DUSP22: variants seen among roughly 807,000 people sequenced by gnomAD.
The protein encoded by DUSP22 is dual specificity phosphatase 22.
DUSP22 carries 24 observed loss-of-function variants against 24.5 expected under a neutral mutation model. That is an observed-to-expected ratio of 0.98 (90% confidence interval 0.71 to 1.38). The LOEUF (loss-of-function observed/expected upper bound fraction) is 1.38. Ranked by LOEUF, DUSP22 falls within the 40% of genes most tolerant of loss-of-function variation. DUSP22 has a pLI of 0.00. For missense variants in DUSP22, 330 were observed against 269.2 expected, an observed-to-expected ratio of 1.23 and a Z score of -1.58; for synonymous variants, 160 against 106.4, an observed-to-expected ratio of 1.50 and a Z score of -3.10.
rs766831052 is a variant in DUSP22, at chr6:348,110, G to A, written c.271G>A (p.Gly91Arg). Residue 91 changes from glycine to arginine, a missense_variant, in exon 6 of 7, where the codon GGG (glycine) becomes AGG (arginine). Gly to Arg is a moderately radical substitution (Grantham distance 125, BLOSUM62 -2). Coordinates refer to ENST00000419235, the MANE Select transcript of DUSP22 (RefSeq NM_001286555.3). ...GESCLVHCLA[G>R]VSRSVTLVIA... ...CTTCTCTTGGCCCCGCAGCCTGGCCGGGGTCTCCAGGAGCGTGACACTGGT... is the reference window on the plus strand; with the variant it reads ...CTTCTCTTGGCCCCGCAGCCTGGCCAGGGTCTCCAGGAGCGTGACACTGGT... The A allele has an allele frequency of 3.5e-5, 57 of 1,614,176 alleles. No homozygotes were observed. The highest frequency in any genetic ancestry group is 8.3e-5 in the Admixed American group (5 of 60,036).
Position 350,377 on chromosome 6 carries a change from G to A in DUSP22, c.*1426G>A, listed in dbSNP as rs1004674492. The A allele has an allele frequency of 1.3e-5, 14 of 1,078,202 alleles. No individual in the cohort carries two copies. The highest frequency in any genetic ancestry group is 1.6e-5 in the Non-Finnish European group (14 of 886,886). The allele number at this position is 1,078,202 out of a possible 1,614,324, so 66.8% of individuals were successfully genotyped here. A position where few individuals can be genotyped will look rare whatever the true frequency, so the allele number is the denominator to read the frequency against. ...CTTTATACCGACTCAGATTCCTTAA[G>A]CATGCAGAGTCACTCGAATGAAAAA... On this transcript the variant is annotated 3_prime_UTR_variant, in exon 7 of 7. Coordinates refer to ENST00000419235, the MANE Select transcript of DUSP22 (RefSeq NM_001286555.3).
At chr6:295,812 A>C (rs962051435) in intron 1 of DUSP22, among the ~76,000 whole-genome samples, 69 of 152,336 alleles carry the variant, frequency 4.5e-4, no homozygotes, top group African/African-American at 1.6e-3. Context: ...AAAAAAAAAA[A>C]AAAAAACCCA....
At chr6:310,180 CACA>C (rs1758009826) in intron 2 of DUSP22, among the ~76,000 whole-genome samples, 1 of 152,300 alleles carries the variant, frequency 6.6e-6, no homozygotes, top group Non-Finnish European at 1.5e-5. Context: ...AGGCTGGTCT[CACA>C]CTCCTGACCT....
At chr6:309,274 C>T (rs1037127711) in intron 2 of DUSP22, among the ~76,000 whole-genome samples, 21 of 152,296 alleles carry the variant, frequency 1.4e-4, no homozygotes, top group Non-Finnish European at 2.5e-4. Flanking sequence ...ATATTATAGA[C>T]GCCTTTCTGA....
chr6:328,636 C>T (rs1026585917), intron 3 of DUSP22, among the ~76,000 whole-genome samples: 61 of 152,392 alleles, frequency 4.0e-4, no homozygotes, highest in Middle Eastern at 3.4e-3. Flanking sequence ...ATTTGTAGTA[C>T]GGTTTCCTAA....
intron 3 of DUSP22, among the ~76,000 whole-genome samples, chr6:315,552 AC>A (rs1243749711): frequency 1.3e-5 from 2 of 152,304 alleles, no homozygotes; most frequent in African/African-American, 2.4e-5. Flanking sequence ...GGTAGATCTT[AC>A]CAGATCACCT....
At chr6:337,577 G>A (rs1191448025) in intron 4 of DUSP22, among the ~76,000 whole-genome samples, 3 of 152,290 alleles carry the variant, frequency 2.0e-5, no homozygotes, top group Admixed American at 1.3e-4. Flanking sequence ...GTCAAAACCA[G>A]CCTAATTCCA....
intron 4 of DUSP22, among the ~76,000 whole-genome samples, chr6:335,476 C>T (rs781386512): frequency 7.9e-5 from 12 of 152,262 alleles, no homozygotes; most frequent in East Asian, 1.9e-4. Flanking sequence ...GAAATAAAAC[C>T]GTGAAGGATT....
Position 335,199 on chromosome 6 carries a change from TA to T in DUSP22, c.188+43del, listed in dbSNP as rs750200882. 2.5e-6 allele frequency: 4 copies of T among 1,604,798 alleles called. No individual in the cohort carries two copies. The Admixed American group carries it at 5.0e-5, about 20-fold the overall frequency. On this transcript the variant is annotated intron_variant, in intron 4 of 6. Coordinates refer to ENST00000419235, the MANE Select transcript of DUSP22 (RefSeq NM_001286555.3). ...TATTTCTGTATTATTTGGAGACATT[TA>T]AAAAAATGAATAGAGGATGGTAAAG...
chr6:297,025 T>G (rs1477416052), intron 1 of DUSP22, among the ~76,000 whole-genome samples: 7 of 152,416 alleles, frequency 4.6e-5, no homozygotes, highest in African/African-American at 1.7e-4. Flanking sequence ...CTTCAGTGGG[T>G]GCATCTTGTT....
chr6:304,803 T>C (rs1757746588), intron 2 of DUSP22, 142 bp downstream of exon 2: 1 of 1,266,964 alleles, frequency 7.9e-7, no homozygotes, highest in Non-Finnish European at 1.1e-6. Context: ...TCTGCAGGAC[T>C]TTTCATGTTC....
Position 350,374 on chromosome 6 carries a change from T to C in DUSP22, c.*1423T>C, listed in dbSNP as rs1223186899. ...GTCCTTTATACCGACTCAGATTCCT[T>C]AAGCATGCAGAGTCACTCGAATGAA... On this transcript the variant is annotated 3_prime_UTR_variant, in exon 7 of 7. Coordinates refer to ENST00000419235, the MANE Select transcript of DUSP22 (RefSeq NM_001286555.3). 2 of 1,071,662 alleles carry C rather than the reference T, an allele frequency of 1.9e-6. No individual in the cohort carries two copies. Among genetic ancestry groups the C allele is most frequent in the Non-Finnish European group, 1.1e-6 (1 of 883,030 alleles). The allele number at this position is 1,071,662 out of a possible 1,614,324, so 66.4% of individuals were successfully genotyped here. A position where few individuals can be genotyped will look rare whatever the true frequency, so the allele number is the denominator to read the frequency against.
chr6:301,228 A>G (rs1757567654), intron 1 of DUSP22, among the ~76,000 whole-genome samples: 1 of 152,246 alleles, frequency 6.6e-6, no homozygotes, highest in Admixed American at 6.5e-5. Flanking sequence ...TGGCCATTAC[A>G]GGGTTTGTGG....
intron 4 of DUSP22, among the ~76,000 whole-genome samples, chr6:342,323 C>T (rs892386107): frequency 1.3e-5 from 2 of 152,418 alleles, no homozygotes; most frequent in East Asian, 1.9e-4. Flanking sequence ...AACAGACCAG[C>T]GTGGGCACAG....
intron 3 of DUSP22, among the ~76,000 whole-genome samples, chr6:318,832 G>A (rs1289450783): frequency 6.6e-6 from 1 of 152,302 alleles, no homozygotes; most frequent in Non-Finnish European, 1.5e-5. Context: ...AGTGGTCAGT[G>A]CTGGTTCATC....
intron 4 of DUSP22, among the ~76,000 whole-genome samples, chr6:341,996 G>A (rs571124713): frequency 6.5e-3 from 988 of 151,972 alleles, no homozygotes; most frequent in African/African-American, 0.023. Context: ...TTGTGTCTGT[G>A]GTTGGGGACG....
chr6:347,883 ACAG>A (rs1227253988), intron 5 of DUSP22, among the ~76,000 whole-genome samples: 1 of 152,306 alleles, frequency 6.6e-6, no homozygotes, highest in Non-Finnish European at 1.5e-5. Flanking sequence ...AGAAGCTCAA[ACAG>A]CAGAAGAAAG....
intron 2 of DUSP22, among the ~76,000 whole-genome samples, chr6:310,286 C>G (rs1289784009): frequency 6.6e-6 from 1 of 152,302 alleles, no homozygotes; most frequent in African/African-American, 2.4e-5. Context: ...TGATCCATTT[C>G]TCCTGTATCA....
intron 3 of DUSP22, among the ~76,000 whole-genome samples, chr6:319,392 T>C (rs549288867): frequency 6.6e-6 from 1 of 152,424 alleles, no homozygotes; most frequent in East Asian, 1.9e-4. Context: ...CACGGCCGAT[T>C]GGTACAAAGC....
Sources: allele counts gnomAD v4.1 joint callset (sites outside exome capture counted in the v4.1 genomes callset), GRCh38; gene constraint gnomAD v4.1.1; transcripts MANE v1.5; gene names NCBI Gene and HGNC (gene_info 2026-07-23, HGNC 2026-07-21).